The following ZSCAN29 variants were observed in gnomAD, a reference collection of about 807,000 sequenced individuals.
ZSCAN29 encodes zinc finger and SCAN domain containing 29.
Under a neutral mutation model 71.9 loss-of-function variants are expected in ZSCAN29, and 55 were observed. That is an observed-to-expected ratio of 0.76 (90% CI 0.62 to 0.96). The LOEUF is 0.96. Ranked by LOEUF, ZSCAN29 falls within the 40% of genes least tolerant of loss-of-function variation. The pLI, the probability that ZSCAN29 is intolerant of heterozygous loss-of-function variation, is 0.00. For missense variants in ZSCAN29, 1,042 were observed against 1,042.2 expected, an observed-to-expected ratio of 1.00 and a Z score of 0.00; for synonymous variants, 351 against 371.6, an observed-to-expected ratio of 0.94 and a Z score of 0.64.
At position 43,361,781 on chromosome 15, in the gene ZSCAN29, C is replaced by G; in HGVS notation, c.1851G>C (p.Trp617Cys). 6.2e-7 allele frequency: 1 copy of G among 1,614,150 alleles called. No individual in the cohort carries two copies. Among genetic ancestry groups the G allele is most frequent in the Admixed American group, 1.7e-5 (1 of 60,016 alleles). The change falls in exon 6 of 6, where the codon TGG becomes TGC. Residue 617 changes from tryptophan (W) to cysteine (C), a missense_variant. Trp to Cys is a radical substitution (Grantham distance 215). Transcript: ENST00000684362. ...CTCTTTTCTCCCCTGAGGTCTTTGC[C>G]CACTGTCTTCCTGATCTACAGTCAC... ...NESDCRSGRQWAKTSGEKRGK... is the reference protein window; with the variant it reads ...NESDCRSGRQCAKTSGEKRGK...
chr15:43,369,389 T>C (rs760317200), intron 2 of ZSCAN29: 60 of 605,954 alleles, frequency 9.9e-5, no homozygotes, highest in Middle Eastern at 3.9e-4. Flanking sequence ...TAAGAAACTA[T>C]AGGAAAAACT....
chr15:43,368,809 C>A, intron 3 of ZSCAN29, 114 bp downstream of exon 3: 2 of 973,226 alleles, frequency 2.1e-6, no homozygotes, highest in South Asian at 1.8e-5. Flanking sequence ...TGTCAACAAC[C>A]ACATATTCTG....
rs750064453 is a variant in ZSCAN29, at chr15:43,368,996, C to T, written c.450G>A (p.Arg150=). The stretch of plus-strand genomic sequence containing the variant: ...GTGGTCCCAGGTCTGGGCTTCTTGC[C>T]CTCTCTTTCTTGGGTACACCCCTGG... The part of the protein sequence containing the change: ...PQPRGVPKKE[R]ARSPDLGPQE... Residue 150 remains arginine (R), a synonymous_variant, in exon 3 of 6, where the codon AGG becomes AGA. Coordinates refer to ENST00000684362, the MANE Select transcript of ZSCAN29 (RefSeq NM_001372080.1). 4 of 1,612,668 alleles carry T rather than the reference C, an allele frequency of 2.5e-6. No individual in the cohort carries two copies. Among genetic ancestry groups the T allele is most frequent in the Non-Finnish European group, 2.5e-6 (3 of 1,179,494 alleles).
In ZSCAN29 at chr15:43,366,265, T is replaced by C. The variant is rs755298355; in HGVS notation, c.1067A>G (p.Asp356Gly). Residue 356 changes from aspartate to glycine, a missense_variant, in exon 4 of 6, where the codon GAT becomes GGT. Physicochemically the swap from Asp to Gly is moderately conservative, Grantham distance 94 (BLOSUM62 -1). Coordinates refer to ENST00000684362, the MANE Select transcript of ZSCAN29 (RefSeq NM_001372080.1). ...AASHSGLVGS[D>G]AETEEPGQRG... ...CTGCCCTGGCTCTTCAGTCTCAGCA[T>C]CGCTGCCTACCAGGCCAGAGTGAGA... 6.8e-6 allele frequency: 11 copies of C among 1,613,370 alleles called. No individual in the cohort carries two copies. In the Admixed American group the frequency reaches 1.2e-4, roughly 17 times the overall value.
chr15:43,364,837 G>A (rs559940088), intron 4 of ZSCAN29, among the ~76,000 whole-genome samples: 30 of 139,414 alleles, frequency 2.2e-4, no homozygotes, highest in African/African-American at 7.9e-4. Flanking sequence ...GGAGGTTGCA[G>A]TGAGATGAGA....
In ZSCAN29 at chr15:43,364,401, T is replaced by C; in HGVS notation, c.1223-19A>G. The C allele has an allele frequency of 6.2e-7, 1 of 1,606,810 alleles. No individual in the cohort carries two copies. Among genetic ancestry groups the C allele is most frequent in the Non-Finnish European group, 8.5e-7 (1 of 1,175,510 alleles). On this transcript the variant is annotated intron_variant, in intron 4 of 5. Coordinates refer to ENST00000684362, the MANE Select transcript of ZSCAN29 (RefSeq NM_001372080.1). ...TGTACACCTGCCACCAGAAGAGAAA[T>C]TTCAGCACCACTTAATCCAGAGCTT...
Position 43,361,011 on chromosome 15 carries a change from A to G in ZSCAN29, c.*62T>C, listed in dbSNP as rs1202000637. 1.3e-5 allele frequency: 20 copies of G among 1,513,850 alleles called. No individual in the cohort carries two copies. The highest frequency in any genetic ancestry group is 1.7e-5 in the Non-Finnish European group (19 of 1,131,146). The allele number at this position is 1,513,850 out of a possible 1,614,324, so 93.8% of individuals were successfully genotyped here. On this transcript the variant is annotated 3_prime_UTR_variant, in exon 6 of 6. Transcript: ENST00000684362. ...CACAGAATAGTAGATGAATCTCACT[A>G]TTGGAAGACTTTCTAAACAATACAT...
rs377268526 is a variant in ZSCAN29 at position 43,364,095 on chromosome 15, C to G, written c.1510G>C (p.Asp504His). Reference protein sequence around the residue: ...VSVRVAAPPNDGQEETASCPV... With the variant: ...VSVRVAAPPNHGQEETASCPV... The stretch of plus-strand genomic sequence containing the variant: ...CAAGAAGCAGTCTCTTCCTGGCCAT[C>G]ATTGGGTGGGGCAGCAACCCGGACA... The change falls in exon 5 of 6, where the codon GAT becomes CAT. Residue 504 changes from aspartate to histidine, a missense_variant. By Grantham distance (81) the Asp-to-His change is moderately conservative. Transcript: ENST00000684362. 48 of 1,614,066 alleles carry G rather than the reference C, an allele frequency of 3.0e-5. No individual in the cohort carries two copies. Among genetic ancestry groups the G allele is most frequent in the Non-Finnish European group, 3.8e-5 (45 of 1,180,044 alleles).
intron 3 of ZSCAN29, among the ~76,000 whole-genome samples, chr15:43,367,295 C>T (rs2044049255): frequency 6.6e-6 from 1 of 152,214 alleles, no homozygotes; most frequent in Admixed American, 6.5e-5. Flanking sequence ...CTTATCCTCT[C>T]ACACCCAGAT....
chr15:43,369,474 C>A, intron 2 of ZSCAN29, 122 bp downstream of exon 2: 4 of 1,145,124 alleles, frequency 3.5e-6, no homozygotes, highest in Middle Eastern at 2.1e-4. Context: ...GTTACCTATA[C>A]CAGACCAGAA....
intron 4 of ZSCAN29, 22 bp from the exon 5 acceptor site, chr15:43,364,404 C>A: frequency 6.2e-7 from 1 of 1,604,654 alleles, no homozygotes; most frequent in South Asian, 1.1e-5. Flanking sequence ...AGAGAAATTT[C>A]AGCACCACTT....
chr15:43,363,979 CTCT>C lies in ZSCAN29; in HGVS notation c.1623_1625del (p.Glu542del), dbSNP rs750234483. 111 of 1,614,006 alleles carry C rather than the reference CTCT, an allele frequency of 6.9e-5. No individual in the cohort carries two copies. In the Admixed American group the frequency reaches 9.5e-4, roughly 14 times the overall value. On this transcript the variant is annotated inframe_deletion, in exon 5 of 6. Coordinates refer to ENST00000684362, the MANE Select transcript of ZSCAN29 (RefSeq NM_001372080.1). The stretch of plus-strand genomic sequence containing the variant: ...CAGCCCCTGGGGGTATCTCAGTATC[CTCT>C]TCATCATCATCAGAATCTTCCTCTG...
rs779855498 is a variant in ZSCAN29, at chr15:43,361,161, C to T, written c.2471G>A (p.Gly824Asp). 4 of 1,614,168 alleles carry T rather than the reference C, an allele frequency of 2.5e-6. No homozygotes were observed. The highest frequency in any genetic ancestry group is 3.4e-6 in the Non-Finnish European group (4 of 1,180,006). The change falls in exon 6 of 6, where the codon GGT (glycine) becomes GAT (aspartate). Residue 824 changes from glycine (G) to aspartate (D), a missense_variant. Gly to Asp is a moderately conservative substitution (Grantham distance 94, BLOSUM62 -1). Coordinates refer to ENST00000684362, the MANE Select transcript of ZSCAN29 (RefSeq NM_001372080.1). ...GEKPYGCHDC[G>D]KCFSKSSALN... The stretch of plus-strand genomic sequence containing the variant: ...GGCAGAGCTTTTACTGAAGCACTTA[C>T]CACAGTCATGACACCCATAGGGTTT...
At chr15:43,369,553 C>A (rs1187078447) in intron 2 of ZSCAN29, 43 bp downstream of exon 2, 1 of 1,573,820 alleles carries the variant, frequency 6.4e-7, no homozygotes, top group South Asian at 1.2e-5. Context: ...AGCCCTCCAC[C>A]CAGTATCACA....
chr15:43,362,313 G>A (rs1566882115), intron 5 of ZSCAN29, among the ~76,000 whole-genome samples: 1 of 152,286 alleles, frequency 6.6e-6, no homozygotes, highest in East Asian at 1.9e-4. Context: ...GTCTGTCATA[G>A]TATTCTTATT....
In ZSCAN29 at chr15:43,369,707, G is replaced by C; in HGVS notation, c.207C>G (p.Val69=). The C allele has an allele frequency of 6.2e-7, 1 of 1,614,230 alleles. No homozygotes were observed. Among genetic ancestry groups the C allele is most frequent in the South Asian group, 1.1e-5 (1 of 91,088 alleles). Residue 69 remains valine, a synonymous_variant, in exon 2 of 6, where the codon GTC becomes GTG. Coordinates refer to ENST00000684362, the MANE Select transcript of ZSCAN29 (RefSeq NM_001372080.1). ...ELLVLEQFLT[V]LPGEIQNWVQ... ...CCCAATTCTGGATCTCCCCAGGTAA[G>C]ACGGTCAGGAACTGCTCTAGCACCA...
At position 43,361,286 on chromosome 15, in the gene ZSCAN29, C is replaced by A; in HGVS notation, c.2346G>T (p.Arg782Ser). Residue 782 changes from arginine to serine, a missense_variant, in exon 6 of 6, where the codon AGG becomes AGT. Physicochemically the swap from Arg to Ser is moderately radical, Grantham distance 110. Transcript: ENST00000684362. ...NNSSHFSAHR[R>S]IHTGERPHVC... Reference sequence around the variant, plus strand: ...CATGGGGTCTCTCTCCTGTGTGTATCCTCCGATGTGCACTAAAATGAGAAC... The same window carrying A: ...CATGGGGTCTCTCTCCTGTGTGTATACTCCGATGTGCACTAAAATGAGAAC... The A allele has an allele frequency of 6.2e-7, 1 of 1,613,810 alleles. No individual in the cohort carries two copies. The highest frequency in any genetic ancestry group is 1.3e-5 in the African/African-American group (1 of 74,868).
chr15:43,364,092 C>T lies in ZSCAN29; in HGVS notation c.1513G>A (p.Gly505Ser), dbSNP rs766414519. ...GGGCAAGAAGCAGTCTCTTCCTGGC[C>T]ATCATTGGGTGGGGCAGCAACCCGG... ...SVRVAAPPND[G>S]QEETASCPVQ... Residue 505 changes from glycine (G) to serine (S), a missense_variant, in exon 5 of 6, where the codon GGC (glycine) becomes AGC (serine). Transcript: ENST00000684362. The T allele has an allele frequency of 5.0e-6, 8 of 1,614,034 alleles. No individual in the cohort carries two copies. Among genetic ancestry groups the T allele is most frequent in the Non-Finnish European group, 6.8e-6 (8 of 1,180,044 alleles).
At chr15:43,368,901 C>T (rs2044065804) in intron 3 of ZSCAN29, 22 bp downstream of exon 3, 1 of 1,562,348 alleles carries the variant, frequency 6.4e-7, no homozygotes, top group Non-Finnish European at 8.7e-7. Flanking sequence ...AGTCTATCTT[C>T]CCATATGAAT....
Sources: gnomAD v4.1 joint callset for allele counts (sites outside exome capture counted in the v4.1 genomes callset) on GRCh38, gnomAD v4.1.1 for gene constraint, MANE v1.5 for transcripts, NCBI Gene and HGNC (gene_info 2026-07-23, HGNC 2026-07-21) for gene names.